The following AGBL4 variants were observed in gnomAD, a reference collection of about 807,000 sequenced individuals.
AGBL4 encodes the protein AGBL carboxypeptidase 4.
In AGBL4, 58 loss-of-function variants were observed where a neutral mutation model predicts 66.4. That is an observed-to-expected ratio of 0.87 (90% CI 0.71 to 1.09). The LOEUF is 1.09. AGBL4 is among the 50% of genes least tolerant of loss of function. The probability of loss-of-function intolerance (pLI) is 0.00; values close to 1 mark genes in which losing one functional copy is unlikely to be tolerated. For synonymous variants in AGBL4, 234 were observed against 222.9 expected, an observed-to-expected ratio of 1.05 and a Z score of -0.44; for missense variants, 579 against 631.0, an observed-to-expected ratio of 0.92 and a Z score of 0.88.
intron 5 of AGBL4, among the ~76,000 whole-genome samples, chr1:48,940,446 T>C (rs1655871483): frequency 6.6e-6 from 1 of 152,112 alleles, no homozygotes. Flanking sequence ...ACACAGTAAG[T>C]AGTAGTGATG....
chr1:49,655,448 G>A (rs1646105385), intron 3 of AGBL4, among the ~76,000 whole-genome samples: 1 of 152,066 alleles, frequency 6.6e-6, no homozygotes, highest in African/African-American at 2.4e-5. Flanking sequence ...TATCTTTGTG[G>A]CATTCTCTGT....
rs368087763 is a variant in AGBL4 at position 48,627,752 on chromosome 1, C to T, written c.951+6741G>A. 1.2e-4 allele frequency among the ~76,000 whole-genome samples: 18 copies of T among 152,220 alleles called. No homozygotes were observed. In the East Asian group the frequency reaches 2.7e-3, roughly 23 times the overall value. ...GCAGCAGCTGAGGAGGGCCTTTCTC[C>T]TCTAGTAAACGGGGGGAAATCACCT... On this transcript the variant is annotated intron_variant, in intron 9 of 13. Transcript: ENST00000371839.
intron 3 of AGBL4, among the ~76,000 whole-genome samples, chr1:49,473,487 A>T (rs1646787811): frequency 1.3e-5 from 2 of 151,622 alleles, no homozygotes; most frequent in African/African-American, 2.4e-5. Flanking sequence ...TTTAATAGAG[A>T]TGTTTGGTTT....
At chr1:49,216,117 C>T (rs1329986052) in intron 4 of AGBL4, among the ~76,000 whole-genome samples, 17 of 152,122 alleles carry the variant, frequency 1.1e-4, no homozygotes, top group Non-Finnish European at 2.4e-4. Flanking sequence ...AGGAGACACT[C>T]ATACTAACAG....
intron 3 of AGBL4, among the ~76,000 whole-genome samples, chr1:49,653,458 G>A (rs978192335): frequency 5.9e-5 from 9 of 151,918 alleles, no homozygotes; most frequent in African/African-American, 1.9e-4. Context: ...ACAGAACTGC[G>A]CTAAGGCTGA....
chr1:49,954,334 C>A (rs1414235367), intron 1 of AGBL4, among the ~76,000 whole-genome samples: 1 of 152,048 alleles, frequency 6.6e-6, no homozygotes, highest in Non-Finnish European at 1.5e-5. Flanking sequence ...GAGGTGGAAC[C>A]TTTAAGAAGT....
At chr1:48,698,199 G>T (rs1646744864) in intron 6 of AGBL4, among the ~76,000 whole-genome samples, 1 of 152,220 alleles carries the variant, frequency 6.6e-6, no homozygotes, top group African/African-American at 2.4e-5. Flanking sequence ...ACTGAGGATG[G>T]TTACCAGGCT....
At chr1:49,481,169 T>C (rs1166924193) in intron 3 of AGBL4, among the ~76,000 whole-genome samples, 1 of 152,120 alleles carries the variant, frequency 6.6e-6, no homozygotes, top group Non-Finnish European at 1.5e-5. Context: ...CTGTGAAGAA[T>C]GTCAGTGGTA....
intron 4 of AGBL4, among the ~76,000 whole-genome samples, chr1:49,219,966 GT>G (rs953079933): frequency 2.0e-5 from 3 of 150,556 alleles, no homozygotes; most frequent in South Asian, 2.1e-4. Context: ...TTTAGTTTTT[GT>G]TTTTTTTTCT....
intron 5 of AGBL4, among the ~76,000 whole-genome samples, chr1:48,921,839 C>A (rs1484928202): frequency 6.6e-6 from 1 of 152,178 alleles, no homozygotes; most frequent in East Asian, 1.9e-4. Context: ...TTATGAAAAT[C>A]AGCTATTCCA....
In AGBL4 at chr1:49,776,696, TC is replaced by T. The variant is rs1490376738; in HGVS notation, c.157+74699del. On this transcript the variant is annotated intron_variant, in intron 2 of 13. Coordinates refer to ENST00000371839, the MANE Select transcript of AGBL4 (RefSeq NM_032785.4). ...TGTCATTTCATCAAAGGAGGTCTTTTCTGACCTCCCTAATATATCCTGTTAG... is the reference window on the plus strand; with the variant it reads ...TGTCATTTCATCAAAGGAGGTCTTTTTGACCTCCCTAATATATCCTGTTAG... 2.6e-5 allele frequency among the ~76,000 whole-genome samples: 4 copies of T among 152,296 alleles called. No individual in the cohort carries two copies. In the South Asian group the frequency reaches 8.3e-4, roughly 32 times the overall value.
the AGBL4 span, among the ~76,000 whole-genome samples, chr1:48,525,202 A>C: frequency 1.3e-5 from 2 of 152,198 alleles, no homozygotes; most frequent in African/African-American, 4.8e-5. Flanking sequence ...GAAAATGGAA[A>C]GTTGAATTGG....
chr1:49,474,092 G>C (rs541676221), intron 3 of AGBL4, among the ~76,000 whole-genome samples: 2 of 152,080 alleles, frequency 1.3e-5, no homozygotes, highest in African/African-American at 4.8e-5. Flanking sequence ...TTTTTGCTTA[G>C]GACTTCCTTC....
chr1:48,954,342 A>T (rs1474430646), intron 5 of AGBL4, among the ~76,000 whole-genome samples: 1 of 152,216 alleles, frequency 6.6e-6, no homozygotes, highest in African/African-American at 2.4e-5. Context: ...TATACAAGGC[A>T]CTTTCTTGCA....
chr1:49,682,980 C>A (rs943530716), intron 3 of AGBL4, among the ~76,000 whole-genome samples: 3 of 152,276 alleles, frequency 2.0e-5, no homozygotes, highest in Admixed American at 2.0e-4. Context: ...AAAGGTTCTA[C>A]TTCACAACGT....
At chr1:49,380,064 C>T (rs986630303) in intron 3 of AGBL4, among the ~76,000 whole-genome samples, 4 of 152,082 alleles carry the variant, frequency 2.6e-5, no homozygotes, top group African/African-American at 9.7e-5. Flanking sequence ...TCAAGTTGTC[C>T]CTGTTTGCAG....
At position 48,581,890 on chromosome 1, in the gene AGBL4, G is replaced by A. The variant is rs76231232; in HGVS notation, c.1267+5114C>T. 5.0e-3 allele frequency among the ~76,000 whole-genome samples: 769 copies of A among 152,310 alleles called. 4 individuals carry two copies. The highest frequency in any genetic ancestry group is 8.7e-3 in the Non-Finnish European group (595 of 68,032). On this transcript the variant is annotated intron_variant, in intron 11 of 13. Coordinates refer to ENST00000371839, the MANE Select transcript of AGBL4 (RefSeq NM_032785.4). ...TGACGCAAAAGAGAACTCACACCTA[G>A]GACTCTGACACCAGCACTGTATTCT... is the stretch of plus-strand genomic sequence containing the variant.
chr1:49,786,524 T>C (rs1190702198), intron 2 of AGBL4, among the ~76,000 whole-genome samples: 3 of 152,136 alleles, frequency 2.0e-5, no homozygotes, highest in Non-Finnish European at 4.4e-5. Context: ...ATGATTTTTA[T>C]TCAACTTAGT....
At chr1:49,278,541 A>G (rs1402359628) in intron 3 of AGBL4, among the ~76,000 whole-genome samples, 1 of 152,134 alleles carries the variant, frequency 6.6e-6, no homozygotes, top group Non-Finnish European at 1.5e-5. Context: ...GCTTGAAGCT[A>G]TCTGCCTGCA....
Sources: gnomAD v4.1 joint callset for allele counts (sites outside exome capture counted in the v4.1 genomes callset) on GRCh38, gnomAD v4.1.1 for gene constraint, MANE v1.5 for transcripts, NCBI Gene and HGNC (gene_info 2026-07-23, HGNC 2026-07-21) for gene names.